Variants in ATG10 observed in about 807,000 individuals in gnomAD.
The protein encoded by ATG10 is autophagy related 10.
In ATG10, 30 loss-of-function variants were observed where a neutral mutation model predicts 32.1. The observed-to-expected ratio is 0.94, with a 90% confidence interval of 0.70 to 1.27. The LOEUF (loss-of-function observed/expected upper bound fraction) is 1.27. ATG10 is among the 50% of genes most tolerant of loss of function. The probability of loss-of-function intolerance (pLI) is 0.00; values close to 1 mark genes in which losing one functional copy is unlikely to be tolerated. For missense variants in ATG10, 233 were observed against 262.3 expected, an observed-to-expected ratio of 0.89 and a Z score of 0.77; for synonymous variants, 87 against 91.5, an observed-to-expected ratio of 0.95 and a Z score of 0.28.
chr5:82,058,817 G>T (rs975566480), intron 3 of ATG10, among the ~76,000 whole-genome samples: 2 of 152,114 alleles, frequency 1.3e-5, no homozygotes, highest in African/African-American at 2.4e-5. Flanking sequence ...ATTGGATCCT[G>T]GGCCTGTTGT....
rs34517729 is a variant in ATG10, at chr5:82,215,935, CAA to C, written c.454-36613_454-36612del. ...GGGCAACAAGAGCGAAACTCCATCT[CAA>C]AAAAAAAAAAAAATCCAATTTGTTA... is the stretch of plus-strand genomic sequence containing the variant. On this transcript the variant is annotated intron_variant, in intron 5 of 7. Transcript: ENST00000282185. 1.3e-3 allele frequency among the ~76,000 whole-genome samples: 162 copies of C among 124,104 alleles called. 1 individual carries two copies. The highest frequency in any genetic ancestry group is 2.2e-3 in the Non-Finnish European group (126 of 56,080). The allele number at this position is 124,104 out of a possible 152,430, so 81.4% of individuals were successfully genotyped here. A position where few individuals can be genotyped will look rare whatever the true frequency, so the allele number is the denominator to read the frequency against.
At chr5:81,985,419 A>G (rs747168074) in intron 1 of ATG10, among the ~76,000 whole-genome samples, 1 of 152,152 alleles carries the variant, frequency 6.6e-6, no homozygotes, top group Non-Finnish European at 1.5e-5. Flanking sequence ...TAGAATCGGT[A>G]TTGCCAGCCC....
intron 2 of ATG10, among the ~76,000 whole-genome samples, chr5:82,021,206 G>A (rs192665274): frequency 4.5e-4 from 68 of 152,248 alleles, no homozygotes; most frequent in African/African-American, 1.6e-3. Flanking sequence ...TAGATAAAAT[G>A]TATGGAATTT....
intron 3 of ATG10, among the ~76,000 whole-genome samples, chr5:82,123,502 A>G (rs551476981): frequency 1.3e-5 from 2 of 151,414 alleles, no homozygotes; most frequent in Admixed American, 1.3e-4. Flanking sequence ...CTTCACATGT[A>G]TCCCTAAACC....
At chr5:82,120,749 T>C (rs1239205733) in intron 3 of ATG10, among the ~76,000 whole-genome samples, 1 of 152,126 alleles carries the variant, frequency 6.6e-6, no homozygotes. Context: ...TCAGTCTCCT[T>C]TGGCTGAGCA....
intron 4 of ATG10, 120 bp downstream of exon 4, chr5:82,164,657 G>A: frequency 1.0e-6 from 1 of 978,862 alleles, no homozygotes. Flanking sequence ...AAAACTGTGG[G>A]TGAGGTAAGG....
intron 3 of ATG10, among the ~76,000 whole-genome samples, chr5:82,097,177 T>C (rs980086805): frequency 4.6e-5 from 7 of 152,194 alleles, no homozygotes; most frequent in African/African-American, 1.4e-4. Flanking sequence ...AAGAATGCTG[T>C]CTAAATACAA....
At chr5:82,243,863 A>T (rs1746906460) in intron 5 of ATG10, among the ~76,000 whole-genome samples, 1 of 152,182 alleles carries the variant, frequency 6.6e-6, no homozygotes, top group African/African-American at 2.4e-5. Flanking sequence ...TAGCCTTTTA[A>T]GTACTTATGG....
intron 2 of ATG10, among the ~76,000 whole-genome samples, chr5:82,042,113 T>C (rs1763101778): frequency 6.6e-6 from 1 of 152,186 alleles, no homozygotes; most frequent in South Asian, 2.1e-4. Flanking sequence ...CTGGGTAATT[T>C]ATAAAGAAAA....
intron 5 of ATG10, among the ~76,000 whole-genome samples, chr5:82,205,245 A>G (rs1434617066): frequency 6.6e-6 from 1 of 152,182 alleles, no homozygotes; most frequent in East Asian, 1.9e-4. Flanking sequence ...AGTAAGCAGA[A>G]TGTGGTTTGA....
At chr5:82,123,724 T>A (rs1388534901) in intron 3 of ATG10, among the ~76,000 whole-genome samples, 1 of 143,348 alleles carries the variant, frequency 7.0e-6, no homozygotes, top group East Asian at 2.0e-4. Flanking sequence ...GAGCCAGGAG[T>A]TCTAGACCAG....
At chr5:82,052,797 C>T (rs2149742424) in intron 2 of ATG10, among the ~76,000 whole-genome samples, 1 of 152,252 alleles carries the variant, frequency 6.6e-6, no homozygotes, top group Admixed American at 6.6e-5. Context: ...GGTCATTACT[C>T]AATATTTACA....
chr5:82,085,241 T>C (rs1003177714), intron 3 of ATG10, among the ~76,000 whole-genome samples: 1 of 152,008 alleles, frequency 6.6e-6, no homozygotes, highest in Non-Finnish European at 1.5e-5. Flanking sequence ...AAGAAGGCCA[T>C]TACTTAATGG....
At chr5:82,049,098 C>T (rs1185137630) in intron 2 of ATG10, among the ~76,000 whole-genome samples, 6 of 151,382 alleles carry the variant, frequency 4.0e-5, no homozygotes, top group Admixed American at 2.6e-4. Flanking sequence ...CACATGCACA[C>T]GTATGTTTCT....
chr5:82,249,254 G>A (rs1376758378), intron 5 of ATG10, among the ~76,000 whole-genome samples: 1 of 152,058 alleles, frequency 6.6e-6, no homozygotes, highest in African/African-American at 2.4e-5. Flanking sequence ...TATAGTGATA[G>A]TTCTAGTTGC....
intron 2 of ATG10, among the ~76,000 whole-genome samples, chr5:81,994,695 AC>A (rs1268307430): frequency 2.0e-5 from 3 of 152,174 alleles, no homozygotes; most frequent in African/African-American, 7.2e-5. Context: ...AATCAGTTTT[AC>A]CCTTGATATC....
intron 2 of ATG10, among the ~76,000 whole-genome samples, chr5:82,020,805 G>A (rs997089907): frequency 2.6e-5 from 4 of 152,134 alleles, no homozygotes; most frequent in African/African-American, 7.2e-5. Flanking sequence ...GAGTTATTGC[G>A]AGAAGGCAAT....
chr5:82,021,504 T>C (rs1165163619), intron 2 of ATG10, among the ~76,000 whole-genome samples: 1 of 152,244 alleles, frequency 6.6e-6, no homozygotes, highest in Non-Finnish European at 1.5e-5. Context: ...GTGTAAATGC[T>C]ATGTAAATAA....
rs547654164 is a variant in ATG10, at chr5:82,125,141, T to C, written c.217-39258T>C. Among the ~76,000 whole-genome samples the C allele has an allele frequency of 5.8e-4, 89 of 152,314 alleles. 1 individual carries two copies. Among genetic ancestry groups the C allele is most frequent in the Middle Eastern group, 3.4e-3 (1 of 294 alleles). ...CACCCACTTTTTGATGGGATTGTTTTTTTCTTGTAAATTTGTTTAAGTTCT... is the reference window on the plus strand; with the variant it reads ...CACCCACTTTTTGATGGGATTGTTTCTTTCTTGTAAATTTGTTTAAGTTCT... On this transcript the variant is annotated intron_variant, in intron 3 of 7. Coordinates refer to ENST00000282185, the MANE Select transcript of ATG10 (RefSeq NM_031482.5).
Sources: gnomAD v4.1 joint callset for allele counts (sites outside exome capture counted in the v4.1 genomes callset) on GRCh38, gnomAD v4.1.1 for gene constraint, MANE v1.5 for transcripts, NCBI Gene and HGNC (gene_info 2026-07-23, HGNC 2026-07-21) for gene names.